Variants in OPCML observed in about 807,000 individuals in gnomAD.
OPCML encodes the protein opioid binding protein/cell adhesion molecule like, also known as opioid-binding protein/cell adhesion molecule.
Under a neutral mutation model 37.8 loss-of-function variants are expected in OPCML, and 13 were observed. The ratio of observed to expected loss-of-function variants is 0.34; its 90% CI spans 0.22 to 0.55. OPCML has a LOEUF of 0.55. OPCML is among the 20% of genes least tolerant of loss of function. The pLI is 0.91. For missense variants in OPCML, 341 were observed against 435.6 expected, an observed-to-expected ratio of 0.78 and a Z score of 1.93; for synonymous variants, 176 against 168.8, an observed-to-expected ratio of 1.04 and a Z score of -0.33.
chr11:132,973,931 C>T (rs1185091473), intron 1 of OPCML, among the ~76,000 whole-genome samples: 1 of 152,014 alleles, frequency 6.6e-6, no homozygotes, highest in Non-Finnish European at 1.5e-5. Flanking sequence ...CCTAGCCTAC[C>T]CCTTACCAAG....
intron 2 of OPCML, among the ~76,000 whole-genome samples, chr11:132,893,109 A>G (rs532268152): frequency 1.8e-4 from 28 of 152,258 alleles, no homozygotes; most frequent in African/African-American, 6.7e-4. Context: ...TTGACTAACT[A>G]CAGTGGGTGT....
At chr11:133,005,823 A>G (rs1320980473) in intron 1 of OPCML, 1 of 985,184 alleles carries the variant, frequency 1.0e-6, no homozygotes, top group Non-Finnish European at 1.2e-6. Context: ...GCCCTGGGGG[A>G]AAGAGGCTGC....
chr11:132,608,431 CAGT>C (rs997692592), intron 3 of OPCML, among the ~76,000 whole-genome samples: 2 of 152,166 alleles, frequency 1.3e-5, no homozygotes. Flanking sequence ...CAAACCCTGC[CAGT>C]GCAGCTTGTT....
intron 1 of OPCML, among the ~76,000 whole-genome samples, chr11:133,324,654 C>CG (rs1174410604): frequency 6.6e-6 from 1 of 152,152 alleles, no homozygotes; most frequent in African/African-American, 2.4e-5. Context: ...TACAGGGCAG[C>CG]GGGGGCAGGC....
chr11:132,830,297 T>C (rs1378786376), intron 2 of OPCML, among the ~76,000 whole-genome samples: 2 of 152,216 alleles, frequency 1.3e-5, no homozygotes, highest in Non-Finnish European at 2.9e-5. Flanking sequence ...GATTTCCCCA[T>C]ATGGTAAGTA....
chr11:133,320,753 C>A (rs1336849080), intron 1 of OPCML, among the ~76,000 whole-genome samples: 2 of 152,242 alleles, frequency 1.3e-5, no homozygotes, highest in Admixed American at 6.5e-5. Context: ...GGTCACCCCA[C>A]AATTTAGAAT....
At chr11:133,390,782 G>A (rs934858453) in intron 1 of OPCML, among the ~76,000 whole-genome samples, 4 of 152,166 alleles carry the variant, frequency 2.6e-5, no homozygotes, top group Admixed American at 6.5e-5. Context: ...AACAAAAGAA[G>A]CATCACTTCT....
chr11:132,455,012 A>T (rs1399626286), intron 4 of OPCML, among the ~76,000 whole-genome samples: 2 of 152,202 alleles, frequency 1.3e-5, no homozygotes, highest in Non-Finnish European at 2.9e-5. Context: ...GTATAAGACC[A>T]TTATAATAGA....
intron 1 of OPCML, among the ~76,000 whole-genome samples, chr11:133,171,829 A>G (rs1009216209): frequency 6.6e-6 from 1 of 152,348 alleles, no homozygotes. Flanking sequence ...CCAGGGTACA[A>G]GAACCTCCTT....
At position 132,569,871 on chromosome 11, in the gene OPCML, A is replaced by G. The variant is rs555979715; in HGVS notation, c.380-40685T>C. On this transcript the variant is annotated intron_variant, in intron 3 of 7. Coordinates refer to ENST00000524381, the MANE Select transcript of OPCML (RefSeq NM_001012393.5). ...TTTAATATCAATTAAGAGGGAGGATAAAATACAAACATCTTAAATCATAAA... is the reference window on the plus strand; with the variant it reads ...TTTAATATCAATTAAGAGGGAGGATGAAATACAAACATCTTAAATCATAAA... Among the ~76,000 whole-genome samples the G allele has an allele frequency of 1.1e-4, 16 of 152,248 alleles. 1 individual carries two copies. In the South Asian group the frequency reaches 2.5e-3, roughly 24 times the overall value.
intron 2 of OPCML, chr11:132,773,195 C>T (rs1158443594): frequency 5.9e-5 from 9 of 152,130 alleles, no homozygotes; most frequent in African/African-American, 2.2e-4. Flanking sequence ...AATTCTTCCA[C>T]TCAGCAGTGC....
intron 1 of OPCML, among the ~76,000 whole-genome samples, chr11:133,016,061 C>T (rs1947329291): frequency 1.3e-5 from 2 of 152,182 alleles, no homozygotes; most frequent in African/African-American, 4.8e-5. Context: ...TTTGTGAGAT[C>T]CGAAAGGACA....
At chr11:132,682,002 T>G (rs1942966772) in intron 2 of OPCML, among the ~76,000 whole-genome samples, 1 of 151,680 alleles carries the variant, frequency 6.6e-6, no homozygotes, top group Non-Finnish European at 1.5e-5. Flanking sequence ...GTCTAACAAT[T>G]AAGCCATCTG....
intron 2 of OPCML, among the ~76,000 whole-genome samples, chr11:132,840,407 C>T (rs757969905): frequency 2.6e-5 from 4 of 152,188 alleles, no homozygotes; most frequent in East Asian, 1.9e-4. Context: ...AGGTGGAAGG[C>T]GCTGGGCCCA....
chr11:132,529,539 A>G (rs1332637405), intron 3 of OPCML, among the ~76,000 whole-genome samples: 3 of 152,150 alleles, frequency 2.0e-5, no homozygotes, highest in Admixed American at 6.5e-5. Context: ...TTTTAGTGGA[A>G]TCAGTGGCAT....
intron 1 of OPCML, among the ~76,000 whole-genome samples, chr11:133,526,754 C>A (rs1374937477): frequency 6.6e-6 from 1 of 152,174 alleles, no homozygotes; most frequent in Non-Finnish European, 1.5e-5. Flanking sequence ...AGATAAGTAG[C>A]AAGTTGTAAG....
At chr11:133,427,606 A>G (rs910460981) in intron 1 of OPCML, among the ~76,000 whole-genome samples, 2 of 152,282 alleles carry the variant, frequency 1.3e-5, no homozygotes, top group East Asian at 1.9e-4. Context: ...AAGCCACAAC[A>G]ACAGATTTAG....
intron 1 of OPCML, among the ~76,000 whole-genome samples, chr11:133,472,930 C>T (rs745838323): frequency 1.3e-5 from 2 of 152,066 alleles, no homozygotes; most frequent in African/African-American, 4.8e-5. Flanking sequence ...TGATCCAGCG[C>T]CCAACCCCAC....
chr11:132,422,492 A>G (rs958954418), intron 7 of OPCML, among the ~76,000 whole-genome samples: 5 of 152,222 alleles, frequency 3.3e-5, no homozygotes, highest in Non-Finnish European at 7.3e-5. Context: ...AGCATTCTCA[A>G]GAGTGGAAAT....
Sources: allele counts gnomAD v4.1 joint callset (sites outside exome capture counted in the v4.1 genomes callset), GRCh38; gene constraint gnomAD v4.1.1; transcripts MANE v1.5; gene names NCBI Gene and HGNC (gene_info 2026-07-23, HGNC 2026-07-21).